TBCEL: variants seen among roughly 807,000 people sequenced by gnomAD.
The protein encoded by TBCEL is tubulin-specific chaperone cofactor E-like protein.
TBCEL carries 15 observed loss-of-function variants against 44.2 expected under a neutral mutation model. The observed-to-expected ratio is 0.34, with a 90% CI of 0.23 to 0.52. The LOEUF (loss-of-function observed/expected upper bound fraction) is 0.52, where lower values mean the gene tolerates loss of function less well. Ranked by LOEUF, TBCEL falls within the 20% of genes least tolerant of loss-of-function variation. The pLI is 0.95. For missense variants in TBCEL, 319 were observed against 506.3 expected (o/e 0.63, Z 3.55); for synonymous variants, 171 against 185.4 (o/e 0.92, Z 0.63).
intron 1 of TBCEL, among the ~76,000 whole-genome samples, chr11:121,027,792 T>A (rs927594192): frequency 6.6e-6 from 1 of 152,174 alleles, no homozygotes; most frequent in African/African-American, 2.4e-5. Flanking sequence ...CCTTTTAGAT[T>A]ATAAATGCGT....
rs112596169 is a variant in TBCEL at position 121,088,922 on chromosome 11, A to T, written c.*1826A>T. 1.3e-5 allele frequency: 2 copies of T among 152,354 alleles called. No homozygotes were observed. Among genetic ancestry groups the T allele is most frequent in the African/African-American group, 4.8e-5 (2 of 41,592 alleles). 9.4% of individuals were successfully genotyped at this position (152,354 alleles called of 1,614,324 possible). On this transcript the variant is annotated 3_prime_UTR_variant, in exon 9 of 9. Coordinates refer to ENST00000683345, the MANE Select transcript of TBCEL (RefSeq NM_001363644.2). ...GCTGCAGACTTTATCTTTCAAAATCATAAAAATGAGCAATGGAGATCCAGG... is the reference window on the plus strand; with the variant it reads ...GCTGCAGACTTTATCTTTCAAAATCTTAAAAATGAGCAATGGAGATCCAGG...
intron 1 of TBCEL, among the ~76,000 whole-genome samples, chr11:121,031,666 T>C (rs1455054862): frequency 2.8e-4 from 39 of 141,242 alleles, no homozygotes; most frequent in East Asian, 3.9e-4. Flanking sequence ...TTCTTTCTTT[T>C]TTTTTTTTTT....
chr11:121,077,237 T>C (rs1047833767), intron 8 of TBCEL, among the ~76,000 whole-genome samples: 134 of 144,026 alleles, frequency 9.3e-4, no homozygotes, highest in Non-Finnish European at 8.2e-4. Context: ...TTTTGTAGAA[T>C]TTATCAGTGA....
chr11:121,061,442 C>T (rs370556009), intron 8 of TBCEL, among the ~76,000 whole-genome samples: 70 of 151,902 alleles, frequency 4.6e-4, no homozygotes, highest in African/African-American at 1.6e-3. Context: ...TACAGTCATC[C>T]ATTGCTTAAT....
intron 8 of TBCEL, among the ~76,000 whole-genome samples, chr11:121,065,229 T>C (rs1945798915): frequency 6.6e-6 from 1 of 152,202 alleles, no homozygotes; most frequent in African/African-American, 2.4e-5. Context: ...TCTGAGCTAG[T>C]AGAGCAAAGT....
intron 8 of TBCEL, among the ~76,000 whole-genome samples, chr11:121,069,981 A>G (rs1453894337): frequency 2.0e-5 from 3 of 152,164 alleles, no homozygotes; most frequent in African/African-American, 7.2e-5. Context: ...TGGTTTGTAT[A>G]TAGAAGAAGA....
Sources: allele counts gnomAD v4.1 joint callset (sites outside exome capture counted in the v4.1 genomes callset), GRCh38; gene constraint gnomAD v4.1.1; transcripts MANE v1.5; gene names NCBI Gene and HGNC (gene_info 2026-07-23, HGNC 2026-07-21).